The following KCNB2 variants were observed in gnomAD, a reference collection of about 807,000 sequenced individuals.
KCNB2 encodes the protein delayed rectifier potassium channel protein.
KCNB2 carries 15 observed loss-of-function variants against 61.5 expected under a neutral mutation model. The ratio of observed to expected loss-of-function variants is 0.24; its 90% CI spans 0.16 to 0.38. The LOEUF (loss-of-function observed/expected upper bound fraction) is 0.38. Among genes scored for constraint, KCNB2 ranks in the 10% least tolerant of loss-of-function variants. KCNB2 has a pLI of 1.00. For missense variants in KCNB2, 828 were observed against 1,125.2 expected, an observed-to-expected ratio of 0.74 and a Z score of 3.78; for synonymous variants, 457 against 446.0, an observed-to-expected ratio of 1.02 and a Z score of -0.31.
intron 2 of KCNB2, among the ~76,000 whole-genome samples, chr8:72,678,777 T>TC (rs1278184499): frequency 1.3e-5 from 2 of 152,236 alleles, no homozygotes; most frequent in African/African-American, 4.8e-5. Flanking sequence ...TACTGAATGA[T>TC]CCAGGATTGG....
chr8:72,561,691 T>TTTTATATATATATATATATA (rs1554576093), intron 1 of KCNB2, among the ~76,000 whole-genome samples: 1 of 19,406 alleles, frequency 5.2e-5, no homozygotes, highest in Non-Finnish European at 8.3e-5. Context: ...GATCTTACTT[T>TTTTATATATATATATATATA]TATATATATA....
intron 2 of KCNB2, among the ~76,000 whole-genome samples, chr8:72,759,682 G>A (rs756529022): frequency 7.9e-5 from 12 of 152,128 alleles, no homozygotes; most frequent in Non-Finnish European, 1.8e-4. Flanking sequence ...GTGATAACTA[G>A]GGCCTTGGAG....
At chr8:72,850,079 A>C (rs1810068311) in intron 2 of KCNB2, among the ~76,000 whole-genome samples, 2 of 152,132 alleles carry the variant, frequency 1.3e-5, no homozygotes, top group Non-Finnish European at 2.9e-5. Flanking sequence ...AATATTAAAC[A>C]CAATAACAGG....
intron 2 of KCNB2, among the ~76,000 whole-genome samples, chr8:72,634,981 G>T (rs1338244385): frequency 6.6e-6 from 1 of 152,098 alleles, no homozygotes. Flanking sequence ...TTATCATATT[G>T]GGAGCTGGTC....
chr8:72,769,626 G>T (rs774227834), intron 2 of KCNB2, among the ~76,000 whole-genome samples: 2 of 152,124 alleles, frequency 1.3e-5, no homozygotes, highest in Non-Finnish European at 2.9e-5. Flanking sequence ...CTTGGAGAGT[G>T]AGTGGATGGT....
intron 2 of KCNB2, among the ~76,000 whole-genome samples, chr8:72,775,495 G>C (rs946198358): frequency 2.6e-5 from 4 of 152,116 alleles, no homozygotes; most frequent in African/African-American, 9.7e-5. Context: ...TCAATAATAA[G>C]ATGTGTGCGC....
At chr8:72,813,724 A>G (rs560036996) in intron 2 of KCNB2, among the ~76,000 whole-genome samples, 1 of 152,226 alleles carries the variant, frequency 6.6e-6, no homozygotes, top group African/African-American at 2.4e-5. Context: ...AATTCTCACA[A>G]ATTAAGCATT....
rs765875293 is a variant in KCNB2, at chr8:72,937,648, G to C, written c.2293G>C (p.Asp765His). The C allele has an allele frequency of 6.2e-7, 1 of 1,614,122 alleles. No homozygotes were observed. Among genetic ancestry groups the C allele is most frequent in the East Asian group, 2.2e-5 (1 of 44,852 alleles). The change falls in exon 3 of 3, where the codon GAC becomes CAC. Residue 765 changes from aspartate to histidine, a missense_variant. Around this residue, in one of 4 missense-constraint regions of KCNB2, gnomAD observed 559 missense variants for 588.4 expected, o/e 0.95. Transcript: ENST00000523207. ...CTTAGAAGAAACCCCCTCCCAGGGA[G>C]ACAGACCCTTGCTGGGCACTGAGGT... ...ILLEETPSQG[D>H]RPLLGTEVSA...
chr8:72,650,668 G>A (rs549567520), intron 2 of KCNB2, among the ~76,000 whole-genome samples: 2 of 152,284 alleles, frequency 1.3e-5, no homozygotes, highest in East Asian at 3.9e-4. Flanking sequence ...ACTGATGAGA[G>A]AGTGTGTCTA....
At chr8:72,763,158 CTA>C (rs1808411547) in intron 2 of KCNB2, among the ~76,000 whole-genome samples, 1 of 151,852 alleles carries the variant, frequency 6.6e-6, no homozygotes, top group African/African-American at 2.4e-5. Flanking sequence ...GGGCTTCTCT[CTA>C]GAGTTTTTCT....
rs187971081 is a variant in KCNB2 at position 72,563,509 on chromosome 8, C to G, written c.-93-4133C>G. On this transcript the variant is annotated intron_variant, in intron 1 of 2. Coordinates refer to ENST00000523207, the MANE Select transcript of KCNB2 (RefSeq NM_004770.3). ...TACAGAAAACTTAATGAAGTATGTA[C>G]AAGTCTGAAAAAATAGTTTGGTTTT... Among the ~76,000 whole-genome samples the G allele has an allele frequency of 7.9e-5, 12 of 152,084 alleles. No individual in the cohort carries two copies. In the East Asian group the frequency reaches 2.1e-3, roughly 27 times the overall value.
chr8:72,632,177 T>C (rs1161787896), intron 2 of KCNB2, among the ~76,000 whole-genome samples: 1 of 151,972 alleles, frequency 6.6e-6, no homozygotes, highest in African/African-American at 2.4e-5. Flanking sequence ...GCCCAAGAGG[T>C]TGAGGCTGCA....
At chr8:72,760,587 C>A (rs1359215833) in intron 2 of KCNB2, among the ~76,000 whole-genome samples, 1 of 152,164 alleles carries the variant, frequency 6.6e-6, no homozygotes, top group African/African-American at 2.4e-5. Flanking sequence ...TCCTATGTTT[C>A]ACTAAGCCCT....
At chr8:72,554,260 C>T (rs1320342453) in intron 1 of KCNB2, among the ~76,000 whole-genome samples, 1 of 151,706 alleles carries the variant, frequency 6.6e-6, no homozygotes, top group Non-Finnish European at 1.5e-5. Context: ...CTCCCATGCT[C>T]GATATATAGT....
chr8:72,688,077 G>A lies in KCNB2; in HGVS notation c.579+119764G>A, dbSNP rs79676044. Among the ~76,000 whole-genome samples, 253 of 152,262 alleles carry A rather than the reference G, an allele frequency of 1.7e-3. 6 individuals carry two copies. In the East Asian group the frequency reaches 0.044, roughly 27 times the overall value. ...AAAGCCTGGAAACCTGAGAGGCAGG[G>A]CCCTGAGCGTTCACTGAGAGCACCG... On this transcript the variant is annotated intron_variant, in intron 2 of 2. Transcript: ENST00000523207.
chr8:72,560,312 T>C (rs143253081), intron 1 of KCNB2, among the ~76,000 whole-genome samples: 1 of 152,340 alleles, frequency 6.6e-6, no homozygotes, highest in East Asian at 1.9e-4. Flanking sequence ...ATATTTGGTT[T>C]CATAGAGGCT....
In KCNB2 at chr8:72,937,984, GA is replaced by G; in HGVS notation, c.2630del (p.Asp877AlafsTer37). On this transcript the variant is annotated frameshift_variant, in exon 3 of 3. Transcript: ENST00000523207. LOFTEE classifies it high-confidence loss of function. ...IYHAVSEVKK[D>X]SSQEGCKMEN... is the part of the protein sequence containing the mutation. ...CCATGCTGTGAGTGAAGTCAAAAAG[GA>G]CAGTAGTCAAGAAGGGTGCAAGATG... 6.2e-7 allele frequency: 1 copy of G among 1,614,126 alleles called. No individual in the cohort carries two copies. Among genetic ancestry groups the G allele is most frequent in the Non-Finnish European group, 8.5e-7 (1 of 1,180,000 alleles).
At chr8:72,715,749 G>A (rs924530342) in intron 2 of KCNB2, among the ~76,000 whole-genome samples, 3 of 152,176 alleles carry the variant, frequency 2.0e-5, no homozygotes, top group African/African-American at 4.8e-5. Flanking sequence ...ACAATTAAAA[G>A]AACTAGAGAA....
At chr8:72,734,717 T>C (rs1056584319) in intron 2 of KCNB2, among the ~76,000 whole-genome samples, 2 of 152,086 alleles carry the variant, frequency 1.3e-5, no homozygotes, top group Non-Finnish European at 2.9e-5. Context: ...AAAGAGGAAA[T>C]CAGTGTCAGT....
Sources: gnomAD v4.1 joint callset for allele counts (sites outside exome capture counted in the v4.1 genomes callset) on GRCh38, gnomAD v4.1.1 for gene constraint, gnomAD v4.1.1 regional missense constraint, MANE v1.5 for transcripts, NCBI Gene and HGNC (gene_info 2026-07-23, HGNC 2026-07-21) for gene names.